Variants in TTC28 observed in about 807,000 individuals in gnomAD.
TTC28 encodes the protein tetratricopeptide repeat protein 28.
In TTC28, 61 loss-of-function variants were observed where a neutral mutation model predicts 198.0. The observed-to-expected ratio is 0.31, with a 90% CI of 0.25 to 0.38. The LOEUF is 0.38. Ranked by LOEUF, TTC28 falls within the 10% of genes least tolerant of loss-of-function variation. TTC28 has a pLI of 1.00. For missense variants in TTC28, 2,678 were observed against 3,164.0 expected (o/e 0.85, Z 3.69); for synonymous variants, 1,171 against 1,297.8 (o/e 0.90, Z 2.10).
intron 2 of TTC28, among the ~76,000 whole-genome samples, chr22:28,310,804 C>T (rs951171381): frequency 1.4e-5 from 2 of 146,364 alleles, no homozygotes; most frequent in Non-Finnish European, 1.5e-5. Context: ...TTTTTTGAGA[C>T]AGAGTCTTGC....
At chr22:28,674,265 G>GTTTTTTTTT (rs943369337) in intron 1 of TTC28, among the ~76,000 whole-genome samples, 4 of 107,664 alleles carry the variant, frequency 3.7e-5, no homozygotes, top group African/African-American at 6.9e-5. Context: ...TTTCTTTGTG[G>GTTTTTTTTT]TTTTTTTTTT....
intron 5 of TTC28, among the ~76,000 whole-genome samples, chr22:28,177,768 T>C (rs1923304537): frequency 6.6e-6 from 1 of 152,150 alleles, no homozygotes; most frequent in African/African-American, 2.4e-5. Flanking sequence ...AGGCAACATA[T>C]TGTATGATTT....
At chr22:28,190,326 G>C (rs758577658) in intron 5 of TTC28, among the ~76,000 whole-genome samples, 2 of 152,182 alleles carry the variant, frequency 1.3e-5, no homozygotes, top group African/African-American at 2.4e-5. Context: ...TATAGCAGAG[G>C]TTAAGTGACT....
chr22:28,341,495 T>A (rs998330312), intron 2 of TTC28, among the ~76,000 whole-genome samples: 1 of 151,796 alleles, frequency 6.6e-6, no homozygotes, highest in African/African-American at 2.4e-5. Flanking sequence ...TAACAAAAAA[T>A]AAAAATAAAA....
At chr22:28,517,552 T>C (rs1024278702) in intron 2 of TTC28, among the ~76,000 whole-genome samples, 2 of 152,144 alleles carry the variant, frequency 1.3e-5, no homozygotes, top group Non-Finnish European at 2.9e-5. Context: ...AGGCAGATCC[T>C]AGGAAGACAG....
chr22:28,558,399 C>T (rs561285896), intron 2 of TTC28, among the ~76,000 whole-genome samples: 23 of 152,322 alleles, frequency 1.5e-4, no homozygotes, highest in Non-Finnish European at 2.4e-4. Flanking sequence ...ATTGGCCAGG[C>T]GCAGTGGCTC....
chr22:28,408,966 A>G (rs907946728), intron 2 of TTC28, among the ~76,000 whole-genome samples: 1 of 152,208 alleles, frequency 6.6e-6, no homozygotes, highest in Non-Finnish European at 1.5e-5. Context: ...ACTAAACTTA[A>G]GGCTGAATCT....
At chr22:28,273,598 A>C (rs1352000216) in intron 5 of TTC28, among the ~76,000 whole-genome samples, 3 of 152,196 alleles carry the variant, frequency 2.0e-5, no homozygotes, top group Non-Finnish European at 4.4e-5. Context: ...ACAAAGTATA[A>C]TGGACATATG....
intron 6 of TTC28, among the ~76,000 whole-genome samples, chr22:28,123,969 C>G (rs181503966): frequency 6.6e-6 from 1 of 151,992 alleles, no homozygotes; most frequent in Non-Finnish European, 1.5e-5. Context: ...GGTGACAGAG[C>G]GAGACTCCAT....
At position 28,107,552 on chromosome 22, in the gene TTC28, G is replaced by C. The variant is rs760658409; in HGVS notation, c.2293C>G (p.Arg765Gly). 1 of 1,551,754 alleles carries C rather than the reference G, an allele frequency of 6.4e-7. No individual in the cohort carries two copies. The highest frequency in any genetic ancestry group is 1.2e-5 in the South Asian group (1 of 84,054). ...SAYAALGTAY[R>G]MIQKYDKALG... ...GCCTTGTCATACTTCTGGATCATTC[G>C]GTATGCAGTGCCCAGGGCTGCATAT... Residue 765 changes from arginine to glycine, a missense_variant, in exon 7 of 23, where the codon CGA becomes GGA. Arg to Gly is a moderately radical substitution (Grantham distance 125). This residue lies in a region of TTC28 where 775 missense variants were observed against 845.9 expected (regional missense o/e 0.92). Coordinates refer to ENST00000397906, the MANE Select transcript of TTC28 (RefSeq NM_001145418.2).
rs559384756 is a variant in TTC28 at position 28,214,351 on chromosome 22, A to G, written c.934-50752T>C. Among the ~76,000 whole-genome samples the G allele has an allele frequency of 9.8e-5, 15 of 152,346 alleles. No homozygotes were observed. The South Asian group carries it at 3.1e-3, about 32-fold the overall frequency. ...CCATCAGAGTGAACAGGCAACCTAC[A>G]GAAAGGGAGAAAATTTTTACAATCT... On this transcript the variant is annotated intron_variant, in intron 5 of 22. Transcript: ENST00000397906.
intron 2 of TTC28, among the ~76,000 whole-genome samples, chr22:28,328,453 T>C (rs750945273): frequency 2.0e-5 from 3 of 151,626 alleles, no homozygotes; most frequent in Admixed American, 6.6e-5. Context: ...TAAAAAAATA[T>C]ATAAAAATAA....
chr22:27,991,196 C>T (rs1162671331), intron 19 of TTC28, among the ~76,000 whole-genome samples: 1 of 152,232 alleles, frequency 6.6e-6, no homozygotes, highest in Admixed American at 6.5e-5. Context: ...CGGGACATGT[C>T]CCTAGGGCCC....
intron 2 of TTC28, among the ~76,000 whole-genome samples, chr22:28,539,833 G>A (rs923406344): frequency 7.2e-5 from 11 of 151,876 alleles, no homozygotes; most frequent in South Asian, 2.1e-4. Context: ...AGAAACACCC[G>A]AGACTAGGTA....
rs141075754 is a variant in TTC28 at position 28,174,466 on chromosome 22, A to G, written c.934-10867T>C. 1.7e-3 allele frequency among the ~76,000 whole-genome samples: 266 copies of G among 152,344 alleles called. 1 individual carries two copies. Among genetic ancestry groups the G allele is most frequent in the Non-Finnish European group, 2.7e-3 (185 of 68,030 alleles). On this transcript the variant is annotated intron_variant, in intron 5 of 22. Coordinates refer to ENST00000397906, the MANE Select transcript of TTC28 (RefSeq NM_001145418.2). ...AAAGACAACACAAGAAGTTTGCCCC[A>G]GTGATGGTCAAAAATGTCATCAACT...
chr22:28,349,890 C>T (rs2045965996), intron 2 of TTC28, among the ~76,000 whole-genome samples: 1 of 152,192 alleles, frequency 6.6e-6, no homozygotes, highest in Admixed American at 6.5e-5. Context: ...TCCCAGTGCA[C>T]TCCTTGTAAC....
At chr22:28,121,961 A>G (rs550881501) in intron 6 of TTC28, among the ~76,000 whole-genome samples, 6 of 152,140 alleles carry the variant, frequency 3.9e-5, no homozygotes, top group Non-Finnish European at 8.8e-5. Flanking sequence ...TCCGCCTCCC[A>G]GGTTCAAGCG....
chr22:28,367,462 A>G (rs1210990384), intron 2 of TTC28, among the ~76,000 whole-genome samples: 1 of 152,022 alleles, frequency 6.6e-6, no homozygotes, highest in Non-Finnish European at 1.5e-5. Flanking sequence ...ATTTATGACT[A>G]TAAGTGCTGA....
intron 2 of TTC28, among the ~76,000 whole-genome samples, chr22:28,512,719 A>T (rs1009899528): frequency 2.6e-5 from 4 of 152,194 alleles, no homozygotes; most frequent in Non-Finnish European, 5.9e-5. Context: ...GTGGGAGCTG[A>T]ATGGTGAGAA....
Sources: gnomAD v4.1 joint callset for allele counts (sites outside exome capture counted in the v4.1 genomes callset) on GRCh38, gnomAD v4.1.1 for gene constraint, gnomAD v4.1.1 regional missense constraint, MANE v1.5 for transcripts, NCBI Gene and HGNC (gene_info 2026-07-23, HGNC 2026-07-21) for gene names.